The following FGF13 variants were observed in gnomAD, a reference collection of about 807,000 sequenced individuals.
FGF13 encodes the protein fibroblast growth factor 13.
FGF13 carries 2 observed loss-of-function variants against 19.5 expected under a neutral mutation model. The ratio of observed to expected loss-of-function variants is 0.10; its 90% CI spans 0.04 to 0.32. The LOEUF is 0.32. Among genes scored for constraint, FGF13 ranks in the 10% least tolerant of loss-of-function variants. The pLI is 1.00. For missense variants in FGF13, 113 were observed against 192.7 expected (o/e 0.59, Z 2.45); for synonymous variants, 72 against 76.9 (o/e 0.94, Z 0.33).
chrX:138,808,717 A>C (rs2090893994), intron 3 of FGF13, among the ~76,000 whole-genome samples: 1 of 111,550 alleles, frequency 9.0e-6, no homozygotes, highest in Non-Finnish European at 1.9e-5. Context: ...TAAAGAAGAA[A>C]AGAGAGAAGA....
At chrX:139,134,626 G>A (rs188714001) in intron 1 of FGF13, among the ~76,000 whole-genome samples, 19 of 111,663 alleles carry the variant, frequency 1.7e-4, no homozygotes, top group Middle Eastern at 4.7e-3. Flanking sequence ...ATTGGAGCCC[G>A]ATACACAACG....
intron 1 of FGF13, among the ~76,000 whole-genome samples, chrX:139,093,826 C>T (rs1000099455): frequency 3.5e-4 from 39 of 112,047 alleles, no homozygotes; most frequent in African/African-American, 1.1e-3. Context: ...CCTCCAATAG[C>T]GAACAAGTGT....
intron 3 of FGF13, chrX:138,667,661 G>T (rs1347728125): frequency 2.9e-6 from 1 of 349,710 alleles, no homozygotes; most frequent in African/African-American, 2.6e-5. Context: ...CAGGTGAAAT[G>T]GCTTTGAAGT....
At chrX:139,069,798 A>G (rs2092370775) in intron 1 of FGF13, among the ~76,000 whole-genome samples, 1 of 111,530 alleles carries the variant, frequency 9.0e-6, no homozygotes, top group Non-Finnish European at 1.9e-5. Flanking sequence ...GACCAATGGA[A>G]CAGAACAGAG....
intron 1 of FGF13, among the ~76,000 whole-genome samples, chrX:138,882,389 G>T (rs5976214): frequency 0.017 from 1,949 of 111,678 alleles, 45 homozygotes; most frequent in African/African-American, 0.058. Context: ...TGCCTGTTAG[G>T]TCTAGTTGAT....
At chrX:139,119,579 G>A (rs1358210538) in intron 1 of FGF13, among the ~76,000 whole-genome samples, 1 of 111,450 alleles carries the variant, frequency 9.0e-6, no homozygotes, top group Non-Finnish European at 1.9e-5. Flanking sequence ...TTTCCATCAT[G>A]CTATGCAAGG....
chrX:139,128,382 T>C (rs1191345386), intron 1 of FGF13, among the ~76,000 whole-genome samples: 5 of 111,603 alleles, frequency 4.5e-5, no homozygotes, highest in African/African-American at 1.6e-4. Flanking sequence ...ACTACCACAA[T>C]CCCCTAGGCC....
rs758934510 is a variant in FGF13 at position 138,851,359 on chromosome X, G to A, written c.217+6153C>T. ...GAACTAATTTACATTCCCACCAACA[G>A]TGGAAAAGCATTCCTATTTCTCCAC... On this transcript the variant is annotated intron_variant, in intron 3 of 6. Transcript: ENST00000436198. Among the ~76,000 whole-genome samples, 9 of 111,789 alleles carry A rather than the reference G, an allele frequency of 8.1e-5. No homozygotes were observed. The East Asian group carries it at 2.5e-3, about 32-fold the overall frequency.
At chrX:138,976,616 T>TG (rs1415585583) in intron 1 of FGF13, among the ~76,000 whole-genome samples, 1 of 111,424 alleles carries the variant, frequency 9.0e-6, no homozygotes, top group East Asian at 2.8e-4. Flanking sequence ...ACTCAGGTGA[T>TG]GGGGGCACTA....
At chrX:139,034,503 G>T (rs1266846679) in intron 1 of FGF13, among the ~76,000 whole-genome samples, 1 of 111,090 alleles carries the variant, frequency 9.0e-6, no homozygotes, top group Admixed American at 9.6e-5. Context: ...GGGAATGGAG[G>T]GGAGGGGAAG....
chrX:138,793,375 T>C lies in FGF13; in HGVS notation c.217+64137A>G, dbSNP rs188113963. On this transcript the variant is annotated intron_variant, in intron 3 of 6. Coordinates refer to the FGF13 transcript ENST00000436198. ...ACACAAGAGGATAGTTCCATTTACC[T>C]CTAGGGCTGAGTACTTTAATTCTTA... 6.3e-5 allele frequency among the ~76,000 whole-genome samples: 7 copies of C among 111,510 alleles called. No individual in the cohort carries two copies. In the East Asian group the frequency reaches 1.7e-3, roughly 27 times the overall value.
intron 1 of FGF13, among the ~76,000 whole-genome samples, chrX:139,188,715 TG>T (rs2084300251): frequency 1.8e-5 from 2 of 112,631 alleles, no homozygotes. Flanking sequence ...AAAACTTGAT[TG>T]CTTCATATTT....
intron 1 of FGF13, among the ~76,000 whole-genome samples, chrX:138,903,255 A>G (rs1332043245): frequency 9.0e-6 from 1 of 111,729 alleles, no homozygotes; most frequent in African/African-American, 3.3e-5. Flanking sequence ...CAATAAAACT[A>G]TACTCTATCA....
chrX:139,186,331 G>A (rs1257009335), intron 1 of FGF13, among the ~76,000 whole-genome samples: 1 of 111,743 alleles, frequency 8.9e-6, no homozygotes, highest in Non-Finnish European at 1.9e-5. Context: ...TCCCGCTTAA[G>A]TAAATGAGAT....
chrX:138,635,165 T>C (rs1391806148), intron 4 of FGF13, among the ~76,000 whole-genome samples: 3 of 112,071 alleles, frequency 2.7e-5, no homozygotes, highest in African/African-American at 9.7e-5. Context: ...ATATTGTATG[T>C]TCTCACTTAA....
intron 1 of FGF13, among the ~76,000 whole-genome samples, chrX:139,043,940 A>G (rs888217200): frequency 5.3e-4 from 59 of 111,815 alleles, no homozygotes; most frequent in African/African-American, 1.7e-3. Flanking sequence ...GAGATAAAAT[A>G]GATTAGAGCT....
intron 3 of FGF13, among the ~76,000 whole-genome samples, chrX:138,844,351 A>G (rs922769678): frequency 1.8e-5 from 2 of 112,310 alleles, no homozygotes; most frequent in Non-Finnish European, 3.8e-5. Context: ...TAAACTTTAC[A>G]GGCATTATAG....
At chrX:138,681,508 C>T (rs936586397) in intron 3 of FGF13, among the ~76,000 whole-genome samples, 2 of 112,867 alleles carry the variant, frequency 1.8e-5, no homozygotes, top group East Asian at 2.8e-4. Flanking sequence ...CCATATCAGC[C>T]GTAAGGCTAT....
At chrX:138,720,580 T>C (rs1311588590) in intron 1 of FGF13, among the ~76,000 whole-genome samples, 1 of 111,924 alleles carries the variant, frequency 8.9e-6, no homozygotes, top group Non-Finnish European at 1.9e-5. Context: ...AAAACACAAG[T>C]GTGGTAAGCA....
Sources: allele counts gnomAD v4.1 joint callset (sites outside exome capture counted in the v4.1 genomes callset), GRCh38; gene constraint gnomAD v4.1.1; transcripts MANE v1.5; gene names NCBI Gene and HGNC (gene_info 2026-07-23, HGNC 2026-07-21).